Variants in SLC12A2 observed in about 807,000 individuals in gnomAD.
SLC12A2 encodes solute carrier family 12 member 2, also known as Na-K-2Cl cotransporter 1.
A neutral mutation model predicts 136.3 loss-of-function variants in SLC12A2; 67 were observed. The ratio of observed to expected loss-of-function variants is 0.49; its 90% CI spans 0.40 to 0.60. SLC12A2 has a LOEUF of 0.60. SLC12A2 is among the 20% of genes least tolerant of loss of function. SLC12A2 has a pLI of 0.00. For synonymous variants in SLC12A2, 619 were observed against 562.9 expected (o/e 1.10, Z -1.41); for missense variants, 1,322 against 1,534.7 (o/e 0.86, Z 2.32).
At chr5:128,112,749 T>C in intron 1 of SLC12A2, 65 bp from the exon 2 acceptor site, 1 of 1,276,558 alleles carries the variant, frequency 7.8e-7, no homozygotes, top group Non-Finnish European at 1.1e-6. Context: ...TAGTTATGTT[T>C]GTTTTTATCA....
In SLC12A2 at chr5:128,084,379, A is replaced by T. The variant is rs1395031541; in HGVS notation, c.425A>T (p.Asn142Ile). ...GAAGCCAAGGGCCGCTTCCGCGTGA[A>T]CTTCGTGGACCCAGCTGCCTCCTCG... ...SEEAKGRFRV[N>I]FVDPAASSSA... Residue 142 changes from asparagine (N) to isoleucine (I), a missense_variant, in exon 1 of 27, where the codon AAC becomes ATC. By Grantham distance (149) the Asn-to-Ile change is moderately radical. Coordinates refer to ENST00000262461, the MANE Select transcript of SLC12A2 (RefSeq NM_001046.3). The surrounding 1 kb of genome is among the most constrained non-coding windows in gnomAD (Gnocchi z 5.6). 1 of 1,606,928 alleles carries T rather than the reference A, an allele frequency of 6.2e-7. No homozygotes were observed. The highest frequency in any genetic ancestry group is 8.5e-7 in the Non-Finnish European group (1 of 1,177,910).
intron 4 of SLC12A2, among the ~76,000 whole-genome samples, chr5:128,116,616 T>C (rs1270972566): frequency 6.6e-6 from 1 of 152,116 alleles, no homozygotes; most frequent in Non-Finnish European, 1.5e-5. Context: ...AATTCTGTTA[T>C]GAGGTGTTCA....
intron 19 of SLC12A2, among the ~76,000 whole-genome samples, chr5:128,172,970 CAAA>C: frequency 6.8e-6 from 1 of 148,054 alleles, no homozygotes; most frequent in South Asian, 2.2e-4. Context: ...AAACAAAAAA[CAAA>C]AAACAAAAAA....
chr5:128,096,765 T>G (rs1166478860), intron 1 of SLC12A2, among the ~76,000 whole-genome samples: 2 of 152,010 alleles, frequency 1.3e-5, no homozygotes, highest in Non-Finnish European at 2.9e-5. Flanking sequence ...ATCAGGCAGA[T>G]TTGCTGATCA....
chr5:128,101,425 G>A (rs569476934), intron 1 of SLC12A2, among the ~76,000 whole-genome samples: 3 of 152,204 alleles, frequency 2.0e-5, no homozygotes, highest in East Asian at 1.9e-4. Context: ...GATCTTTAAC[G>A]TATCTTTAAA....
chr5:128,130,938 C>T (rs1413420122), intron 4 of SLC12A2, 129 bp from the exon 5 acceptor site: 2 of 759,064 alleles, frequency 2.6e-6, no homozygotes, highest in Admixed American at 2.6e-5. Flanking sequence ...CAGTCACTCA[C>T]TTGCCTCTTT....
At chr5:128,100,087 A>G (rs1157904565) in intron 1 of SLC12A2, among the ~76,000 whole-genome samples, 1 of 152,180 alleles carries the variant, frequency 6.6e-6, no homozygotes, top group East Asian at 1.9e-4. Flanking sequence ...TGTTTATTCC[A>G]GCATCACCAC....
intron 1 of SLC12A2, chr5:128,109,902 T>C (rs1761082411): frequency 1.3e-6 from 1 of 799,478 alleles, no homozygotes; most frequent in South Asian, 1.3e-5. Context: ...GACTGGCCTT[T>C]GCAAGATAGT....
rs372587942 is a variant in SLC12A2, at chr5:128,134,036, C to T, written c.1189-129C>T. 1.9e-4 allele frequency: 105 copies of T among 545,764 alleles called. No individual in the cohort carries two copies. In the East Asian group the frequency reaches 2.8e-3, roughly 15 times the overall value. 33.8% of individuals were successfully genotyped at this position (545,764 alleles called of 1,614,324 possible). ...TGTTCCTTTAGGTCTTCCATTTATT[C>T]CTTAAGCAACCATTTATTCAACTTC... On this transcript the variant is annotated intron_variant, in intron 5 of 26. Coordinates refer to ENST00000262461, the MANE Select transcript of SLC12A2 (RefSeq NM_001046.3).
At chr5:128,147,078 T>A (rs1762551349) in intron 10 of SLC12A2, among the ~76,000 whole-genome samples, 1 of 137,236 alleles carries the variant, frequency 7.3e-6, no homozygotes, top group Non-Finnish European at 1.5e-5. Flanking sequence ...ATATAATGTG[T>A]AACCTTTTTT....
intron 4 of SLC12A2, among the ~76,000 whole-genome samples, chr5:128,117,743 T>TAA (rs1761401813): frequency 1.3e-5 from 2 of 152,156 alleles, no homozygotes; most frequent in Non-Finnish European, 2.9e-5. Context: ...ACTAAAAAGC[T>TAA]TCTGCACAGC....
chr5:128,112,063 T>C (rs1449455454), intron 1 of SLC12A2, among the ~76,000 whole-genome samples: 1 of 152,144 alleles, frequency 6.6e-6, no homozygotes, highest in Non-Finnish European at 1.5e-5. Context: ...ATGACCTTTT[T>C]AGGGCTCGGT....
In SLC12A2 at chr5:128,157,263, A is replaced by AT. The variant is rs368630446; in HGVS notation, c.2364-784dup. 8.6e-4 allele frequency among the ~76,000 whole-genome samples: 131 copies of AT among 152,252 alleles called. 1 individual carries two copies. The highest frequency in any genetic ancestry group is 3.0e-3 in the African/African-American group (126 of 41,552). ...GGACCTACCAAATGGAGACCTGTAT[A>AT]TTTTTTACATTAAATATCAGTGATT... On this transcript the variant is annotated intron_variant, in intron 15 of 26. Coordinates refer to ENST00000262461, the MANE Select transcript of SLC12A2 (RefSeq NM_001046.3).
Position 128,180,890 on chromosome 5 carries a change from C to G in SLC12A2, c.3108C>G (p.Thr1036=), listed in dbSNP as rs754420099. The part of the protein sequence containing the change: ...VWWLFDDGGL[T]LLIPYLLTTK... The stretch of plus-strand genomic sequence containing the variant: ...TACATTTTTATAATTCAGGTTTGAC[C>G]TTATTGATACCTTACCTTCTGACGA... The change falls in exon 23 of 27, where the codon ACC becomes ACG. Residue 1036 remains threonine, a synonymous_variant. Transcript: ENST00000262461. The G allele has an allele frequency of 1.9e-6, 3 of 1,578,844 alleles. No homozygotes were observed. The South Asian group carries it at 3.3e-5, about 18-fold the overall frequency.
At chr5:128,118,684 AC>A (rs1761443172) in intron 4 of SLC12A2, among the ~76,000 whole-genome samples, 2 of 152,242 alleles carry the variant, frequency 1.3e-5, no homozygotes, top group African/African-American at 4.8e-5. Flanking sequence ...TAAAGAACTT[AC>A]CCATGTAACC....
At chr5:128,185,834 T>G (rs1353171122) in intron 26 of SLC12A2, among the ~76,000 whole-genome samples, 2 of 152,188 alleles carry the variant, frequency 1.3e-5, no homozygotes, top group Non-Finnish European at 2.9e-5. Context: ...ACTGTTCTTA[T>G]GAACAAATTT....
At chr5:128,098,666 T>A (rs1328094282) in intron 1 of SLC12A2, among the ~76,000 whole-genome samples, 2 of 152,018 alleles carry the variant, frequency 1.3e-5, no homozygotes, top group Non-Finnish European at 2.9e-5. Context: ...AAAAGGCACT[T>A]TTTATCTAGG....
intron 17 of SLC12A2, among the ~76,000 whole-genome samples, chr5:128,163,055 C>G (rs1763093378): frequency 1.3e-5 from 2 of 152,012 alleles, no homozygotes; most frequent in Non-Finnish European, 2.9e-5. Flanking sequence ...ATTGGACACC[C>G]CTGACATAGA....
At chr5:128,139,220 G>A (rs1762278633) in intron 9 of SLC12A2, among the ~76,000 whole-genome samples, 1 of 151,412 alleles carries the variant, frequency 6.6e-6, no homozygotes, top group South Asian at 2.1e-4. Context: ...ATGTGTAGAA[G>A]CAAATGAATT....
Sources: allele counts gnomAD v4.1 joint callset (sites outside exome capture counted in the v4.1 genomes callset), GRCh38; gene constraint gnomAD v4.1.1; non-coding constraint Gnocchi (gnomAD v3.1); transcripts MANE v1.5; gene names NCBI Gene and HGNC (gene_info 2026-07-23, HGNC 2026-07-21).